Variants in XPNPEP1 observed in about 807,000 individuals in gnomAD.
The protein encoded by XPNPEP1 is X-prolyl aminopeptidase 1.
XPNPEP1 carries 39 observed loss-of-function variants against 92.4 expected under a neutral mutation model. That is an observed-to-expected ratio of 0.42 (90% CI 0.33 to 0.55). XPNPEP1 has a LOEUF of 0.55. Among genes scored for constraint, XPNPEP1 ranks in the 20% least tolerant of loss-of-function variants. XPNPEP1 has a pLI of 0.08. For synonymous variants in XPNPEP1, 307 were observed against 299.4 expected, an observed-to-expected ratio of 1.03 and a Z score of -0.26; for missense variants, 654 against 856.1, an observed-to-expected ratio of 0.76 and a Z score of 2.95.
chr10:109,910,673 C>T (rs1849819994), intron 2 of XPNPEP1, among the ~76,000 whole-genome samples: 2 of 152,122 alleles, frequency 1.3e-5, no homozygotes, highest in South Asian at 4.1e-4. Flanking sequence ...CATTCACCTG[C>T]TGAGGGACAT....
At chr10:109,905,034 G>GT (rs1341646080) in intron 3 of XPNPEP1, among the ~76,000 whole-genome samples, 2 of 151,122 alleles carry the variant, frequency 1.3e-5, no homozygotes, top group Non-Finnish European at 2.9e-5. Flanking sequence ...AGATGAACAG[G>GT]TTAAAAAAAA....
chr10:109,920,136 A>G (rs1008608279), intron 1 of XPNPEP1, among the ~76,000 whole-genome samples: 5 of 152,256 alleles, frequency 3.3e-5, no homozygotes, highest in Non-Finnish European at 5.9e-5. Flanking sequence ...ACCACATAGT[A>G]TATGATTCTA....
chr10:109,885,748 A>G (rs1004467430), intron 8 of XPNPEP1, among the ~76,000 whole-genome samples: 1 of 152,232 alleles, frequency 6.6e-6, no homozygotes, highest in African/African-American at 2.4e-5. Flanking sequence ...GAACAACTGC[A>G]TGAAGGTGGG....
intron 16 of XPNPEP1, among the ~76,000 whole-genome samples, chr10:109,872,438 G>A (rs1224753598): frequency 6.6e-6 from 1 of 152,242 alleles, no homozygotes; most frequent in Non-Finnish European, 1.5e-5. Context: ...ACTCAGAAGT[G>A]TAGCAGCTTG....
intron 1 of XPNPEP1, among the ~76,000 whole-genome samples, chr10:109,915,480 C>T (rs1240910448): frequency 1.3e-5 from 2 of 152,090 alleles, no homozygotes; most frequent in African/African-American, 4.8e-5. Flanking sequence ...TTTGTGCCTT[C>T]ATTACTGTAG....
At chr10:109,911,865 G>A (rs1309299945) in intron 2 of XPNPEP1, among the ~76,000 whole-genome samples, 2 of 152,152 alleles carry the variant, frequency 1.3e-5, no homozygotes, top group African/African-American at 4.8e-5. Flanking sequence ...ACATTCTGAC[G>A]TAAGGATTTT....
chr10:109,870,281 A>T (rs1847382839), intron 18 of XPNPEP1, among the ~76,000 whole-genome samples: 1 of 139,004 alleles, frequency 7.2e-6, no homozygotes. Flanking sequence ...GTAAAGTAAC[A>T]GTGGATCCAC....
intron 15 of XPNPEP1, among the ~76,000 whole-genome samples, chr10:109,874,187 G>T (rs1324751256): frequency 6.6e-6 from 1 of 152,204 alleles, no homozygotes; most frequent in Non-Finnish European, 1.5e-5. Flanking sequence ...ATGCAGGGAT[G>T]GCTAAATAAA....
intron 1 of XPNPEP1, among the ~76,000 whole-genome samples, chr10:109,916,019 G>C (rs183867255): frequency 6.6e-6 from 1 of 152,216 alleles, no homozygotes; most frequent in Non-Finnish European, 1.5e-5. Flanking sequence ...ATTAAGATGG[G>C]GCAAGGCAGG....
chr10:109,879,714 A>C (rs1012326520), intron 12 of XPNPEP1, among the ~76,000 whole-genome samples: 1 of 152,216 alleles, frequency 6.6e-6, no homozygotes, highest in Non-Finnish European at 1.5e-5. Context: ...ACAATACTTA[A>C]AGGGAACATG....
rs1564741692 is a variant in XPNPEP1, at chr10:109,867,736, CGA to C, written c.1872+876_1872+877del. 1.3e-5 allele frequency among the ~76,000 whole-genome samples: 2 copies of C among 152,342 alleles called. No homozygotes were observed. The highest frequency in any genetic ancestry group is 2.4e-5 in the African/African-American group (1 of 41,590). On this transcript the variant is annotated intron_variant, in intron 20 of 20. Transcript: ENST00000502935. This position sits in a 1 kb window ranked among gnomAD's most constrained non-coding sequence, Gnocchi z 4.5. ...CTCAGATAACAAAATATTCTTATTC[CGA>C]GAGTAACCCACCGTGCTTACCCTGC...
rs1848381553 is a variant in XPNPEP1 at position 109,886,241 on chromosome 10, C to G, written c.748+5G>C. ...ATGCCCAAACAGCGAAACCAGAGCA[C>G]TCACACGCAATCTCATCCAAGGCAG... On this transcript the variant is annotated splice_donor_5th_base_variant and intron_variant, in intron 8 of 20. Coordinates refer to ENST00000502935, the MANE Select transcript of XPNPEP1 (RefSeq NM_020383.4). The G allele has an allele frequency of 6.2e-7, 1 of 1,614,000 alleles. No individual in the cohort carries two copies. The highest frequency in any genetic ancestry group is 8.5e-7 in the Non-Finnish European group (1 of 1,179,942).
chr10:109,918,694 G>C (rs1850327022), intron 1 of XPNPEP1, among the ~76,000 whole-genome samples: 1 of 152,038 alleles, frequency 6.6e-6, no homozygotes, highest in African/African-American at 2.4e-5. Flanking sequence ...CCAGGAGGGG[G>C]AGCTTGCAGT....
chr10:109,886,622 A>G (rs2133421405), intron 7 of XPNPEP1, among the ~76,000 whole-genome samples: 1 of 152,288 alleles, frequency 6.6e-6, no homozygotes, highest in South Asian at 2.1e-4. Context: ...CGTGCCAGGC[A>G]CTCTGCTGGT....
chr10:109,912,354 G>A (rs1279322977), intron 2 of XPNPEP1, among the ~76,000 whole-genome samples: 1 of 152,178 alleles, frequency 6.6e-6, no homozygotes, highest in Admixed American at 6.5e-5. Context: ...TGTGGTAAGG[G>A]GCAGTGGCAG....
Position 109,864,890 on chromosome 10 carries a change from G to A in XPNPEP1, c.*294C>T. The A allele has an allele frequency of 2.5e-6, 1 of 394,474 alleles. No individual in the cohort carries two copies. The highest frequency in any genetic ancestry group is 4.8e-6 in the Non-Finnish European group (1 of 209,860). 24.4% of individuals were successfully genotyped at this position (394,474 alleles called of 1,614,324 possible). A position where few individuals can be genotyped will look rare whatever the true frequency, so the allele number is the denominator to read the frequency against. ...GAGCACTCACTGATTCCCCATCACT[G>A]GCCAAAGAAGTCGGGGCATCTTCCT... is the stretch of plus-strand genomic sequence containing the variant. On this transcript the variant is annotated 3_prime_UTR_variant, in exon 21 of 21. Transcript: ENST00000502935.
intron 8 of XPNPEP1, 196 bp from the exon 9 acceptor site, chr10:109,884,344 G>A (rs1848273656): frequency 3.5e-6 from 2 of 576,804 alleles, no homozygotes; most frequent in Admixed American, 3.3e-5. Flanking sequence ...ACCACGTGAT[G>A]GCACCAGAGC....
intron 9 of XPNPEP1, 122 bp from the exon 10 acceptor site, chr10:109,882,764 T>A: frequency 1.0e-6 from 1 of 980,460 alleles, no homozygotes; most frequent in Non-Finnish European, 1.5e-6. Context: ...CCCTTTTCTC[T>A]CCTCCCCACT....
At chr10:109,868,539 G>T in intron 20 of XPNPEP1, 75 bp downstream of exon 20, 2 of 1,235,274 alleles carry the variant, frequency 1.6e-6, no homozygotes, top group Non-Finnish European at 2.3e-6. Flanking sequence ...AGGATTTAGA[G>T]GATGGATTAG....
Sources: allele counts gnomAD v4.1 joint callset (sites outside exome capture counted in the v4.1 genomes callset), GRCh38; gene constraint gnomAD v4.1.1; non-coding constraint Gnocchi (gnomAD v3.1); transcripts MANE v1.5; gene names NCBI Gene and HGNC (gene_info 2026-07-23, HGNC 2026-07-21).